TOMM70: variants seen among roughly 807,000 people sequenced by gnomAD.
TOMM70 encodes mitochondrial import receptor subunit TOM70.
TOMM70 carries 13 observed loss-of-function variants against 73.6 expected under a neutral mutation model. The observed-to-expected ratio is 0.18, with a 90% CI of 0.11 to 0.28. TOMM70 has a LOEUF of 0.28. TOMM70 is among the 10% of genes least tolerant of loss of function. The pLI, the probability that TOMM70 is intolerant of heterozygous loss-of-function variation, is 1.00. For missense variants in TOMM70, 609 were observed against 747.5 expected (o/e 0.81, Z 2.16); for synonymous variants, 257 against 271.2 (o/e 0.95, Z 0.51).
In TOMM70 at chr3:100,372,582, T is replaced by A. The variant is rs772298529; in HGVS notation, c.1452+24A>T. ...TTTGGCATATGTATGCAGTTATTTT[T>A]AAAAAACCTGAAAAAACATTTACCT... On this transcript the variant is annotated intron_variant, in intron 9 of 11. Coordinates refer to ENST00000284320, the MANE Select transcript of TOMM70 (RefSeq NM_014820.5). 64 of 1,578,304 alleles carry A rather than the reference T, an allele frequency of 4.1e-5. No individual in the cohort carries two copies. The Middle Eastern group carries it at 1.0e-3, about 25-fold the overall frequency.
rs1326871781 is a variant in TOMM70, at chr3:100,372,657, C to T, written c.1401G>A (p.Glu467=). 3.7e-6 allele frequency: 6 copies of T among 1,613,892 alleles called. No homozygotes were observed. The East Asian group carries it at 1.3e-4, about 36-fold the overall frequency. The change falls in exon 9 of 12, where the codon GAG becomes GAA. Residue 467 remains glutamate (E), a synonymous_variant. Transcript: ENST00000284320. ...QIQAAMKGFE[E]VIKKFPRCAE... is the part of the protein sequence containing the mutation. ...CACACCTTGGAAATTTCTTTATGAC[C>T]TCTTCAAAACCTTTCATAGCTGCTT...
intron 1 of TOMM70, among the ~76,000 whole-genome samples, chr3:100,393,063 C>T (rs749678291): frequency 1.3e-5 from 2 of 151,988 alleles, no homozygotes; most frequent in Non-Finnish European, 2.9e-5. Context: ...GTAATCCCAG[C>T]TAGTCGGGAG....
chr3:100,373,688 G>A, intron 7 of TOMM70, 43 bp from the exon 8 acceptor site: 3 of 612,846 alleles, frequency 4.9e-6, no homozygotes, highest in Non-Finnish European at 7.3e-6. Context: ...AACTAGTCCA[G>A]TTAAGTATGT....
At chr3:100,378,859 TAGTC>T (rs1018424059) in intron 5 of TOMM70, among the ~76,000 whole-genome samples, 3 of 151,900 alleles carry the variant, frequency 2.0e-5, no homozygotes, top group East Asian at 1.9e-4. Context: ...ACAAAAAAAT[TAGTC>T]AGGCGTGGTG....
chr3:100,369,609 C>G (rs1706486547), intron 9 of TOMM70, among the ~76,000 whole-genome samples: 1 of 151,764 alleles, frequency 6.6e-6, no homozygotes, highest in Admixed American at 6.6e-5. Flanking sequence ...CAAGTGATCC[C>G]CCTGCCTCAG....
chr3:100,386,381 G>C (rs767082435), intron 2 of TOMM70, 37 bp from the exon 3 acceptor site: 6 of 1,571,338 alleles, frequency 3.8e-6, no homozygotes, highest in Middle Eastern at 1.7e-4. Flanking sequence ...TCACACTAAA[G>C]AAAGTACTGT....
chr3:100,394,380 A>C (rs1338098670), intron 1 of TOMM70, among the ~76,000 whole-genome samples: 1 of 108,666 alleles, frequency 9.2e-6, no homozygotes, highest in African/African-American at 5.7e-5. Context: ...TTTTTTTTTG[A>C]GATAGAGTTT....
intron 7 of TOMM70, among the ~76,000 whole-genome samples, chr3:100,374,815 T>TC (rs1169349775): frequency 1.3e-5 from 2 of 152,218 alleles, no homozygotes; most frequent in Non-Finnish European, 2.9e-5. Context: ...TACTCTTTTT[T>TC]CATAAGTAAA....
intron 1 of TOMM70, among the ~76,000 whole-genome samples, chr3:100,390,670 T>C (rs775924400): frequency 6.6e-6 from 1 of 151,852 alleles, no homozygotes; most frequent in Non-Finnish European, 1.5e-5. Flanking sequence ...CCACTAAAAA[T>C]ACAAAACAAT....
chr3:100,375,241 A>C (rs1274040054), intron 6 of TOMM70, 89 bp from the exon 7 acceptor site: 2 of 1,428,066 alleles, frequency 1.4e-6, no homozygotes, highest in Admixed American at 5.0e-5. Context: ...TCTATAATCC[A>C]CATATCACAA....
intron 6 of TOMM70, among the ~76,000 whole-genome samples, chr3:100,375,571 T>A (rs184559614): frequency 6.6e-6 from 1 of 152,330 alleles, no homozygotes; most frequent in Non-Finnish European, 1.5e-5. Flanking sequence ...CATGTATCAG[T>A]TTTTCATTCT....
At chr3:100,368,961 C>T in intron 10 of TOMM70, 77 bp downstream of exon 10, 1 of 1,034,790 alleles carries the variant, frequency 9.7e-7, no homozygotes, top group Non-Finnish European at 1.5e-6. Context: ...TCCCCTTCCT[C>T]AGTGGCCAAA....
At position 100,375,138 on chromosome 3, in the gene TOMM70, A is replaced by G; in HGVS notation, c.1107T>C (p.Ala369=). Residue 369 remains alanine (A), a synonymous_variant, in exon 7 of 12, where the codon GCT becomes GCC. Transcript: ENST00000284320. ...TGTACATGCTGCCTCTTTTGATGAG[A>G]GCATTTGCTCGAAGCTATATACCCC... The part of the protein sequence containing the change: ...KEANVKLRAN[A]LIKRGSMYMQ... 2.5e-6 allele frequency: 4 copies of G among 1,602,006 alleles called. No individual in the cohort carries two copies. Among genetic ancestry groups the G allele is most frequent in the Non-Finnish European group, 3.4e-6 (4 of 1,174,134 alleles).
chr3:100,368,838 AGTACTAGGATTAC>A (rs1309981821), intron 10 of TOMM70, among the ~76,000 whole-genome samples, 187 bp downstream of exon 10: 7 of 152,214 alleles, frequency 4.6e-5, no homozygotes, highest in African/African-American at 1.7e-4. Context: ...GGCCTCCCAA[AGTACTAGGATTAC>A]GTGTAAGCCA....
chr3:100,372,177 G>C (rs1706517212), intron 9 of TOMM70: 1 of 153,420 alleles, frequency 6.5e-6, no homozygotes, highest in South Asian at 2.1e-4. Flanking sequence ...CCTAAACCAA[G>C]AGAGTTTCAG....
chr3:100,366,189 T>C (rs1706445949), intron 11 of TOMM70, among the ~76,000 whole-genome samples: 1 of 152,176 alleles, frequency 6.6e-6, no homozygotes, highest in Admixed American at 6.5e-5. Flanking sequence ...TGGGCCCACC[T>C]CTTTCTGTTT....
Position 100,378,031 on chromosome 3 carries a change from G to A in TOMM70, c.885-119C>T, listed in dbSNP as rs560514876. 1.1e-4 allele frequency: 86 copies of A among 783,422 alleles called. No individual in the cohort carries two copies. In the African/African-American group the frequency reaches 1.2e-3, roughly 11 times the overall value. The allele number at this position is 783,422 out of a possible 1,614,324, so 48.5% of individuals were successfully genotyped here. A position where few individuals can be genotyped will look rare whatever the true frequency, so the allele number is the denominator to read the frequency against. On this transcript the variant is annotated intron_variant, in intron 5 of 11. Transcript: ENST00000284320. The stretch of plus-strand genomic sequence containing the variant: ...GGAGGCCGAGGTGGGCGGATCACGA[G>A]GTCAGGCATTCGAGACCAGCCTGGC...
intron 11 of TOMM70, among the ~76,000 whole-genome samples, chr3:100,366,959 C>T (rs1288699526): frequency 6.6e-6 from 1 of 152,208 alleles, no homozygotes; most frequent in Admixed American, 6.5e-5. Context: ...GTGGCTCACA[C>T]CTGTAATCCC....
Position 100,381,620 on chromosome 3 carries a change from T to G in TOMM70, c.879A>C (p.Lys293Asn), listed in dbSNP as rs764932161. The change falls in exon 5 of 12, where the codon AAA becomes AAC. Residue 293 changes from lysine to asparagine, a missense_variant. Physicochemically the swap from Lys to Asn is moderately conservative, Grantham distance 94. Around this residue, in one of 2 missense-constraint regions of TOMM70, gnomAD observed 432 missense variants for 584.1 expected, o/e 0.74. Coordinates refer to ENST00000284320, the MANE Select transcript of TOMM70 (RefSeq NM_014820.5). ...ACTATGCTTGACATACTTACTTTTC[T>G]TTCACTTCTAAAGCCTCCCCTTCCT... ...KDKEGEALEV[K>N]ENSGYLKAKQ... is the part of the protein sequence containing the mutation. The G allele has an allele frequency of 5.6e-6, 9 of 1,612,796 alleles. No homozygotes were observed. Among genetic ancestry groups the G allele is most frequent in the Non-Finnish European group, 7.6e-6 (9 of 1,179,270 alleles).
Sources: allele counts gnomAD v4.1 joint callset (sites outside exome capture counted in the v4.1 genomes callset), GRCh38; gene constraint gnomAD v4.1.1; regional missense constraint gnomAD v4.1.1; transcripts MANE v1.5; gene names NCBI Gene and HGNC (gene_info 2026-07-23, HGNC 2026-07-21).